CCDC66: variants seen among roughly 807,000 people sequenced by gnomAD.
CCDC66 encodes coiled-coil domain-containing protein 66.
A neutral mutation model predicts 128.3 loss-of-function variants in CCDC66; 133 were observed. The ratio of observed to expected loss-of-function variants is 1.04; its 90% CI spans 0.90 to 1.20. The LOEUF (loss-of-function observed/expected upper bound fraction) is 1.20. CCDC66 is among the 50% of genes most tolerant of loss of function. CCDC66 has a pLI of 0.00. For synonymous variants in CCDC66, 387 were observed against 357.0 expected (o/e 1.08, Z -0.95); for missense variants, 1,126 against 1,075.5 (o/e 1.05, Z -0.66).
intron 7 of CCDC66, among the ~76,000 whole-genome samples, chr3:56,589,697 C>G (rs1425063953): frequency 6.6e-6 from 1 of 152,142 alleles, no homozygotes; most frequent in South Asian, 2.1e-4. Flanking sequence ...ATCACAAGTT[C>G]TGTTCTTGGA....
Position 56,619,368 on chromosome 3 carries a change from A to C in CCDC66, c.2476A>C (p.Asn826His). 1 of 1,613,914 alleles carries C rather than the reference A, an allele frequency of 6.2e-7. No homozygotes were observed. The highest frequency in any genetic ancestry group is 8.5e-7 in the Non-Finnish European group (1 of 1,179,854). The part of the protein sequence containing the change: ...PLKNSSYERE[N>H]LISGSNQTEL... ...AAAAAACAGTAGCTATGAGAGAGAG[A>C]ATTTGATCTCAGGAAGTAATCAAAC... The change falls in exon 16 of 18, where the codon AAT becomes CAT. Residue 826 changes from asparagine (N) to histidine (H), a missense_variant. Coordinates refer to ENST00000394672, the MANE Select transcript of CCDC66 (RefSeq NM_001141947.3).
chr3:56,562,829 T>C (rs1331051283), intron 3 of CCDC66, among the ~76,000 whole-genome samples: 1 of 149,946 alleles, frequency 6.7e-6, no homozygotes, highest in East Asian at 2.0e-4. Context: ...TTTTTTTTAG[T>C]AGAGATGGTG....
At chr3:56,616,420 C>G (rs930361485) in intron 13 of CCDC66, 5 of 226,402 alleles carry the variant, frequency 2.2e-5, no homozygotes, top group African/African-American at 1.2e-4. Flanking sequence ...TGGAATTAGA[C>G]CACATAACGG....
At chr3:56,564,167 A>T in intron 4 of CCDC66, 42 bp downstream of exon 4, 1 of 1,475,382 alleles carries the variant, frequency 6.8e-7, no homozygotes, top group East Asian at 2.3e-5. Context: ...GATTTTTTCA[A>T]TATGTGTTTT....
intron 7 of CCDC66, among the ~76,000 whole-genome samples, chr3:56,576,102 A>G (rs925145049): frequency 2.0e-5 from 3 of 151,550 alleles, no homozygotes; most frequent in Non-Finnish European, 4.4e-5. Flanking sequence ...TTGCATTGAA[A>G]CTGTAGATTG....
At position 56,617,656 on chromosome 3, in the gene CCDC66, A is replaced by G. The variant is rs185421753; in HGVS notation, c.2337+51A>G. On this transcript the variant is annotated intron_variant, in intron 14 of 17. Transcript: ENST00000394672. ...GTGTTGACGTTTCTGGATTCAAAAC[A>G]CAGTTTCTCATACGTATGCTTTGGT... is the stretch of plus-strand genomic sequence containing the variant. The G allele has an allele frequency of 3.2e-6, 5 of 1,542,158 alleles. No individual in the cohort carries two copies. In the East Asian group the frequency reaches 1.1e-4, roughly 35 times the overall value.
intron 7 of CCDC66, among the ~76,000 whole-genome samples, chr3:56,586,776 G>A (rs2069842610): frequency 6.6e-6 from 1 of 151,846 alleles, no homozygotes; most frequent in Non-Finnish European, 1.5e-5. Context: ...GCTGGATACA[G>A]TGGCTCATGC....
At chr3:56,557,377 G>A (rs914558572) in intron 1 of CCDC66, 124 bp downstream of exon 1, 5 of 1,276,988 alleles carry the variant, frequency 3.9e-6, no homozygotes, top group Non-Finnish European at 4.3e-6. Context: ...CTGCGCCGCC[G>A]AGAGGGGCAG....
intron 1 of CCDC66, among the ~76,000 whole-genome samples, chr3:56,558,276 G>A (rs2064632940): frequency 6.6e-6 from 1 of 152,258 alleles, no homozygotes; most frequent in East Asian, 1.9e-4. Context: ...AGACGTTCAA[G>A]TTTTGTTGGC....
chr3:56,558,839 A>C lies in CCDC66; in HGVS notation c.12-7A>C. On this transcript the variant is annotated splice_region_variant and splice_polypyrimidine_tract_variant and intron_variant, in intron 1 of 17. Coordinates refer to ENST00000394672, the MANE Select transcript of CCDC66 (RefSeq NM_001141947.3). ...AAATGAGAGACAACTTTCTTTTTTT[A>C]TTACAGAGATGGTTTAAAGCTTGAA... 1 of 1,542,996 alleles carries C rather than the reference A, an allele frequency of 6.5e-7. No homozygotes were observed. The highest frequency in any genetic ancestry group is 8.8e-7 in the Non-Finnish European group (1 of 1,139,934).
intron 13 of CCDC66, 121 bp from the exon 14 acceptor site, chr3:56,616,991 T>TG: frequency 1.2e-6 from 1 of 816,694 alleles, no homozygotes; most frequent in East Asian, 2.8e-5. Context: ...TCGGTTTTGT[T>TG]GAAAATTAAT....
At position 56,619,252 on chromosome 3, in the gene CCDC66, C is replaced by CT; in HGVS notation, c.2379-18dup. 6.6e-7 allele frequency: 1 copy of CT among 1,524,170 alleles called. No individual in the cohort carries two copies. Among genetic ancestry groups the CT allele is most frequent in the Non-Finnish European group, 8.8e-7 (1 of 1,132,162 alleles). 94.4% of individuals were successfully genotyped at this position (1,524,170 alleles called of 1,614,324 possible). A position where few individuals can be genotyped will look rare whatever the true frequency, so the allele number is the denominator to read the frequency against. Reference sequence around the variant, plus strand: ...CTTAATCTAAATACACAATTTTTTACTATTTTTTTTTTAAATAGGTCTCCA... The same window carrying CT: ...CTTAATCTAAATACACAATTTTTTACTTATTTTTTTTTTAAATAGGTCTCCA... On this transcript the variant is annotated intron_variant, in intron 15 of 17. Coordinates refer to ENST00000394672, the MANE Select transcript of CCDC66 (RefSeq NM_001141947.3).
rs1370255452 is a variant in CCDC66, at chr3:56,570,793, G to A, written c.815-388G>A. On this transcript the variant is annotated intron_variant, in intron 6 of 17. Coordinates refer to ENST00000394672, the MANE Select transcript of CCDC66 (RefSeq NM_001141947.3). ...GCAGTTTGCTAACAGTCACGTAGCTGGGAAGTTGTTGAACTTGAATTTTAA... is the reference window on the plus strand; with the variant it reads ...GCAGTTTGCTAACAGTCACGTAGCTAGGAAGTTGTTGAACTTGAATTTTAA... 3 of 55,688 alleles carry A rather than the reference G, an allele frequency of 5.4e-5. 1 individual carries two copies. Among genetic ancestry groups the A allele is most frequent in the African/African-American group, 1.3e-4 (3 of 22,370 alleles). The allele number at this position is 55,688 out of a possible 1,614,324, so 3.4% of individuals were successfully genotyped here.
intron 17 of CCDC66, chr3:56,621,050 G>C (rs1259479402): frequency 6.6e-6 from 1 of 151,776 alleles, no homozygotes; most frequent in Non-Finnish European, 1.5e-5. Flanking sequence ...TGTAGTCCCA[G>C]CCATTCGGGA....
intron 3 of CCDC66, chr3:56,563,455 A>G (rs1234625403): frequency 9.1e-6 from 4 of 439,382 alleles, no homozygotes; most frequent in Admixed American, 3.9e-5. Flanking sequence ...TCAAAGCTGG[A>G]GTATAGTGGA....
At chr3:56,605,612 C>G (rs2073951567) in intron 10 of CCDC66, among the ~76,000 whole-genome samples, 1 of 152,042 alleles carries the variant, frequency 6.6e-6, no homozygotes, top group Non-Finnish European at 1.5e-5. Flanking sequence ...TGCAGAACAG[C>G]AAAGATTGCT....
chr3:56,619,318 C>G lies in CCDC66; in HGVS notation c.2426C>G (p.Thr809Ser). 2 of 1,613,054 alleles carry G rather than the reference C, an allele frequency of 1.2e-6. No individual in the cohort carries two copies. Among genetic ancestry groups the G allele is most frequent in the East Asian group, 4.5e-5 (2 of 44,830 alleles). ...VPVVKNRTQQ[T>S]QNTLHLPLKN... Reference sequence around the variant, plus strand: ...GTAGTGAAAAACAGAACCCAACAAACTCAAAATACATTACATTTACCACTA... The same window carrying G: ...GTAGTGAAAAACAGAACCCAACAAAGTCAAAATACATTACATTTACCACTA... Residue 809 changes from threonine (T) to serine (S), a missense_variant, in exon 16 of 18, where the codon ACT (threonine) becomes AGT (serine). Transcript: ENST00000394672.
At chr3:56,557,377 G>C in intron 1 of CCDC66, 124 bp downstream of exon 1, 6 of 1,276,992 alleles carry the variant, frequency 4.7e-6, no homozygotes, top group South Asian at 1.4e-5. Flanking sequence ...CTGCGCCGCC[G>C]AGAGGGGCAG....
Position 56,593,529 on chromosome 3 carries a change from A to T in CCDC66, c.1107A>T (p.Ser369=), listed in dbSNP as rs1330934080. The part of the protein sequence containing the change: ...EHDRWAMHFD[S]LKSYPGSQSQ... Reference sequence around the variant, plus strand: ...ACAGATGGGCAATGCACTTTGATTCATTAAAGAGTTATCCTGGTTCTCAAT... The same window carrying T: ...ACAGATGGGCAATGCACTTTGATTCTTTAAAGAGTTATCCTGGTTCTCAAT... Residue 369 remains serine (S), a synonymous_variant, in exon 9 of 18, where the codon TCA becomes TCT. Transcript: ENST00000394672. The T allele has an allele frequency of 2.5e-6, 4 of 1,614,204 alleles. No individual in the cohort carries two copies. Among genetic ancestry groups the T allele is most frequent in the African/African-American group, 2.7e-5 (2 of 75,062 alleles).
Sources: gnomAD v4.1 joint callset for allele counts (sites outside exome capture counted in the v4.1 genomes callset) on GRCh38, gnomAD v4.1.1 for gene constraint, MANE v1.5 for transcripts, NCBI Gene and HGNC (gene_info 2026-07-23, HGNC 2026-07-21) for gene names.